SLC22A4: variants seen among roughly 807,000 people sequenced by gnomAD.
The protein encoded by SLC22A4 is solute carrier family 22 member 4, also known as ET transporter.
SLC22A4 carries 39 observed loss-of-function variants against 56.6 expected under a neutral mutation model. The ratio of observed to expected loss-of-function variants is 0.69; its 90% CI spans 0.53 to 0.90. SLC22A4 has a LOEUF of 0.90. SLC22A4 is among the 40% of genes least tolerant of loss of function. The pLI is 0.00. For missense variants in SLC22A4, 594 were observed against 696.5 expected (o/e 0.85, Z 1.66); for synonymous variants, 241 against 281.4 (o/e 0.86, Z 1.44).
intron 1 of SLC22A4, chr5:132,311,898 GAGT>G: frequency 1.8e-6 from 1 of 563,266 alleles, no homozygotes; most frequent in Non-Finnish European, 3.2e-6. Context: ...AATGCGAGCG[GAGT>G]AGGAGCATCA....
At position 132,340,564 on chromosome 5, in the gene SLC22A4, G is replaced by GA; in HGVS notation, c.1445-1_1445insA (p.Gly482GlufsTer14). ...ATGTTCTTATGTCCCGGGCTTTACA[G>GA]GTGCTTACAACAGAATGCTGCCCTA... is the stretch of plus-strand genomic sequence containing the variant. On this transcript the variant is annotated frameshift_variant and splice_region_variant. Transcript: ENST00000200652. LOFTEE classifies it high-confidence loss of function. 1 of 1,613,914 alleles carries GA rather than the reference G, an allele frequency of 6.2e-7. No homozygotes were observed. Among genetic ancestry groups the GA allele is most frequent in the South Asian group, 1.1e-5 (1 of 91,080 alleles).
At chr5:132,329,506 A>C (rs775638820) in intron 5 of SLC22A4, among the ~76,000 whole-genome samples, 6 of 151,616 alleles carry the variant, frequency 4.0e-5, no homozygotes, top group African/African-American at 7.3e-5. Context: ...AAACTAAGGC[A>C]CAGCGAAGTT....
In SLC22A4 at chr5:132,294,452, C is replaced by G; in HGVS notation, c.-165C>G. 1.1e-6 allele frequency: 1 copy of G among 921,780 alleles called. No homozygotes were observed. The highest frequency in any genetic ancestry group is 1.7e-6 in the Non-Finnish European group (1 of 604,158). 57.1% of individuals were successfully genotyped at this position (921,780 alleles called of 1,614,324 possible). The stretch of plus-strand genomic sequence containing the variant: ...CCCGGGAACGCTCCAACGCCTTCAG[C>G]CTGTTTCCCAGGAACGGTCCCCGGC... On this transcript the variant is annotated 5_prime_UTR_variant, in exon 1 of 10. Transcript: ENST00000200652. This position sits in a 1 kb window ranked among gnomAD's most constrained non-coding sequence, Gnocchi z 5.6.
At chr5:132,299,106 A>T (rs563499960) in intron 1 of SLC22A4, among the ~76,000 whole-genome samples, 2 of 152,314 alleles carry the variant, frequency 1.3e-5, no homozygotes, top group South Asian at 4.1e-4. Flanking sequence ...CCGTGCCAGG[A>T]TCTCCCAATG....
intron 6 of SLC22A4, 100 bp downstream of exon 6, chr5:132,331,950 T>C (rs761868908): frequency 1.2e-6 from 1 of 804,372 alleles, no homozygotes; most frequent in Non-Finnish European, 2.2e-6. Flanking sequence ...TGGGTTTTCC[T>C]GAGGAAAAAT....
At chr5:132,317,126 A>G (rs1580831229) in intron 3 of SLC22A4, among the ~76,000 whole-genome samples, 1 of 152,202 alleles carries the variant, frequency 6.6e-6, no homozygotes, top group Non-Finnish European at 1.5e-5. Flanking sequence ...CTCTTCTTGT[A>G]AGAACACTAA....
At chr5:132,331,718 T>C in intron 5 of SLC22A4, 38 bp from the exon 6 acceptor site, 3 of 1,406,502 alleles carry the variant, frequency 2.1e-6, no homozygotes, top group Non-Finnish European at 3.0e-6. Context: ...CCTTACTACC[T>C]CTTAATCTCA....
intron 6 of SLC22A4, among the ~76,000 whole-genome samples, chr5:132,332,871 G>A (rs190341251): frequency 9.9e-5 from 15 of 152,188 alleles, no homozygotes; most frequent in African/African-American, 2.9e-4. Context: ...GAGCTTATGC[G>A]TCTGAATTAA....
intron 9 of SLC22A4, among the ~76,000 whole-genome samples, chr5:132,341,211 A>C (rs1004267556): frequency 6.6e-6 from 1 of 152,108 alleles, no homozygotes; most frequent in African/African-American, 2.4e-5. Flanking sequence ...TGAGGTCAAG[A>C]GATCGAGACC....
intron 9 of SLC22A4, among the ~76,000 whole-genome samples, chr5:132,341,227 G>A (rs1751210023): frequency 6.6e-6 from 1 of 151,950 alleles, no homozygotes; most frequent in African/African-American, 2.4e-5. Flanking sequence ...AGACCATCCT[G>A]GCCAACATGG....
intron 3 of SLC22A4, among the ~76,000 whole-genome samples, chr5:132,318,644 C>T (rs999890574): frequency 1.3e-5 from 2 of 152,160 alleles, no homozygotes; most frequent in Non-Finnish European, 2.9e-5. Flanking sequence ...CTCTGAGTCA[C>T]TCCCTCTTGG....
At chr5:132,313,838 T>A in intron 3 of SLC22A4, 70 bp downstream of exon 3, 1 of 1,453,708 alleles carries the variant, frequency 6.9e-7, no homozygotes, top group East Asian at 2.3e-5. Flanking sequence ...GAGGAAATCA[T>A]TGGGCCATTG....
chr5:132,337,441 A>ATT (rs879612640), intron 8 of SLC22A4, among the ~76,000 whole-genome samples: 1 of 143,426 alleles, frequency 7.0e-6, no homozygotes. Flanking sequence ...AGCCCAGCTA[A>ATT]TTTTTTTTTT....
chr5:132,316,219 T>A (rs907251009), intron 3 of SLC22A4, among the ~76,000 whole-genome samples: 12 of 151,996 alleles, frequency 7.9e-5, no homozygotes, highest in African/African-American at 2.7e-4. Flanking sequence ...CAGAAATGAG[T>A]CCTTGTTTTG....
chr5:132,322,501 C>T, intron 4 of SLC22A4, 146 bp downstream of exon 4: 2 of 765,396 alleles, frequency 2.6e-6, no homozygotes, highest in Non-Finnish European at 4.5e-6. Flanking sequence ...AGAGTTTTTG[C>T]CTCATTGTGG....
intron 3 of SLC22A4, among the ~76,000 whole-genome samples, chr5:132,321,575 T>A (rs1474028510): frequency 6.6e-6 from 1 of 152,186 alleles, no homozygotes; most frequent in Non-Finnish European, 1.5e-5. Flanking sequence ...GGATTAGCTC[T>A]TGGGGCTGGG....
At chr5:132,307,101 G>C (rs1750058982) in intron 1 of SLC22A4, among the ~76,000 whole-genome samples, 1 of 152,140 alleles carries the variant, frequency 6.6e-6, no homozygotes, top group South Asian at 2.1e-4. Context: ...TAAATGTTAT[G>C]GTGTATAAAT....
intron 1 of SLC22A4, 105 bp downstream of exon 1, chr5:132,295,114 C>A (rs1287000967): frequency 7.2e-6 from 9 of 1,252,120 alleles, no homozygotes; most frequent in Admixed American, 3.9e-5. Flanking sequence ...GCTCCCCTCC[C>A]CCTCAAACCT....
intron 1 of SLC22A4, among the ~76,000 whole-genome samples, chr5:132,297,622 A>G (rs1008734719): frequency 1.6e-4 from 24 of 152,062 alleles, no homozygotes; most frequent in Admixed American, 9.8e-4. Flanking sequence ...AATGCAAATG[A>G]AAATCATAAG....
Sources: allele counts gnomAD v4.1 joint callset (sites outside exome capture counted in the v4.1 genomes callset), GRCh38; gene constraint gnomAD v4.1.1; non-coding constraint Gnocchi (gnomAD v3.1); transcripts MANE v1.5; gene names NCBI Gene and HGNC (gene_info 2026-07-23, HGNC 2026-07-21).